The following CELF2 variants were observed in gnomAD, a reference collection of about 807,000 sequenced individuals.
The protein encoded by CELF2 is CUGBP Elav-like family member 2.
Under a neutral mutation model 62.6 loss-of-function variants are expected in CELF2, and 8 were observed. The ratio of observed to expected loss-of-function variants is 0.13; its 90% CI spans 0.07 to 0.23. CELF2 has a LOEUF of 0.23. Ranked by LOEUF, CELF2 falls within the 10% of genes least tolerant of loss-of-function variation. The probability of loss-of-function intolerance (pLI) is 1.00; values close to 1 mark genes in which losing one functional copy is unlikely to be tolerated. For missense variants in CELF2, 333 were observed against 671.0 expected (o/e 0.50, Z 5.56); for synonymous variants, 258 against 250.0 (o/e 1.03, Z -0.30).
intron 5 of CELF2, among the ~76,000 whole-genome samples, chr10:11,258,938 C>A (rs1416235430): frequency 6.6e-6 from 1 of 152,264 alleles, no homozygotes; most frequent in Non-Finnish European, 1.5e-5. Flanking sequence ...CCCGCCTCAG[C>A]CTCCCAAAGT....
At position 11,327,200 on chromosome 10, in the gene CELF2, C is replaced by CG. The variant is rs969289749; in HGVS notation, c.1438+1228dup. Among the ~76,000 whole-genome samples, 30 of 28,838 alleles carry CG rather than the reference C, an allele frequency of 1.0e-3. No homozygotes were observed. The South Asian group carries it at 0.011, about 11-fold the overall frequency. 18.9% of individuals were successfully genotyped at this position (28,838 alleles called of 152,430 possible). On this transcript the variant is annotated intron_variant, in intron 12 of 12. Transcript: ENST00000633077. Reference sequence around the variant, plus strand: ...ATGCAAATTAAATCATTATGGGGGGCGGGGGGGTGTGTCTGAGCAGGAGCC... The same window carrying CG: ...ATGCAAATTAAATCATTATGGGGGGCGGGGGGGGTGTGTCTGAGCAGGAGCC...
At chr10:11,234,758 C>A (rs2136556445) in intron 3 of CELF2, among the ~76,000 whole-genome samples, 1 of 151,560 alleles carries the variant, frequency 6.6e-6, no homozygotes, top group South Asian at 2.1e-4. Context: ...AGATCTTGAT[C>A]CCCTCATCCC....
intron 2 of CELF2, among the ~76,000 whole-genome samples, chr10:11,215,934 TA>T (rs1371610679): frequency 6.6e-6 from 1 of 152,208 alleles, no homozygotes; most frequent in African/African-American, 2.4e-5. Context: ...ATCGGTTCAG[TA>T]AAAAATCTAC....
At chr10:10,799,023 C>G (rs1442469528) in intron 1 of CELF2, among the ~76,000 whole-genome samples, 1 of 152,066 alleles carries the variant, frequency 6.6e-6, no homozygotes, top group East Asian at 1.9e-4. Context: ...CAATTTCACC[C>G]CAGGGGGGAG....
At chr10:10,489,768 C>T in the CELF2 span, among the ~76,000 whole-genome samples, 15 of 149,708 alleles carry the variant, frequency 1.0e-4, no homozygotes, top group South Asian at 2.2e-4. Context: ...CAAAACGTGA[C>T]GAAAATCAGC....
At chr10:10,981,937 C>T (rs899708496) in intron 2 of CELF2, among the ~76,000 whole-genome samples, 3 of 150,616 alleles carry the variant, frequency 2.0e-5, no homozygotes, top group East Asian at 1.9e-4. Flanking sequence ...ACCCTCTCCT[C>T]GACTTCCTTT....
At chr10:10,696,652 G>A in the CELF2 span, among the ~76,000 whole-genome samples, 1 of 151,972 alleles carries the variant, frequency 6.6e-6, no homozygotes, top group Non-Finnish European at 1.5e-5. Context: ...AGCAACCAGT[G>A]AGATTCCGTG....
At chr10:11,024,922 A>G (rs2058896870) in intron 1 of CELF2, among the ~76,000 whole-genome samples, 1 of 152,206 alleles carries the variant, frequency 6.6e-6, no homozygotes, top group African/African-American at 2.4e-5. Flanking sequence ...ACTTTGATTT[A>G]CATACTAAGT....
rs1434847581 is a variant in CELF2, at chr10:11,008,123, G to A, written c.53+2683G>A. 6.6e-6 allele frequency among the ~76,000 whole-genome samples: 1 copy of A among 152,186 alleles called. No individual in the cohort carries two copies. The highest frequency in any genetic ancestry group is 1.5e-5 in the Non-Finnish European group (1 of 68,042). On this transcript the variant is annotated intron_variant, in intron 1 of 12. Transcript: ENST00000416382. The surrounding 1 kb of genome is among the most constrained non-coding windows in gnomAD (Gnocchi z 4.5). ...TATTTCCACAACAGGAACAGGATAC[G>A]TAATCTGTATCCTTCCATAAGCCTC... is the stretch of plus-strand genomic sequence containing the variant.
At chr10:10,907,955 C>G (rs1335141188) in intron 1 of CELF2, among the ~76,000 whole-genome samples, 1 of 152,164 alleles carries the variant, frequency 6.6e-6, no homozygotes, top group Non-Finnish European at 1.5e-5. Context: ...GCAGAAAGCT[C>G]TCGGAGTAGT....
At chr10:10,515,602 T>C in the CELF2 span, among the ~76,000 whole-genome samples, 1 of 152,198 alleles carries the variant, frequency 6.6e-6, no homozygotes, top group African/African-American at 2.4e-5. Context: ...TGATACTCTG[T>C]TATTATCCCC....
At chr10:10,889,955 A>G (rs2062016119) in intron 1 of CELF2, among the ~76,000 whole-genome samples, 2 of 152,218 alleles carry the variant, frequency 1.3e-5, no homozygotes, top group Admixed American at 1.3e-4. Flanking sequence ...GGAGAGTCCT[A>G]TACTGATGTG....
At position 11,229,156 on chromosome 10, in the gene CELF2, C is replaced by T. The variant is rs375478416; in HGVS notation, c.354+11649C>T. On this transcript the variant is annotated intron_variant, in intron 3 of 12. Coordinates refer to ENST00000633077, the MANE Select transcript of CELF2 (RefSeq NM_001326342.2). ...GAGTACAGATCACATCTCCTAACTC[C>T]GAGCCTGTTGCTCTTTTCAGCAAAC... Among the ~76,000 whole-genome samples the T allele has an allele frequency of 3.8e-4, 58 of 152,288 alleles. No homozygotes were observed. In the South Asian group the frequency reaches 0.011, roughly 28 times the overall value.
At chr10:10,795,547 T>G (rs2054093954), upstream of CELF2, among the ~76,000 whole-genome samples, 1 of 152,166 alleles carries the variant, frequency 6.6e-6, no homozygotes. Flanking sequence ...TTGTTTGTGT[T>G]TAGGAAGCAC....
At chr10:10,668,492 G>A in the CELF2 span, among the ~76,000 whole-genome samples, 21 of 152,112 alleles carry the variant, frequency 1.4e-4, no homozygotes, top group Middle Eastern at 3.2e-3. Flanking sequence ...ATGGATTCAC[G>A]GTACGCAGTT....
the CELF2 span, among the ~76,000 whole-genome samples, chr10:10,672,770 C>G: frequency 1.3e-5 from 2 of 152,090 alleles, no homozygotes; most frequent in African/African-American, 2.4e-5. Context: ...AATGTGTTGG[C>G]AATTCTGGGC....
rs139230379 is a variant in CELF2, at chr10:11,219,645, T to C, written c.354+2138T>C. On this transcript the variant is annotated intron_variant, in intron 3 of 12. Coordinates refer to ENST00000633077, the MANE Select transcript of CELF2 (RefSeq NM_001326342.2). The stretch of plus-strand genomic sequence containing the variant: ...GTAAATGAGGAGAGAGTTTCACATC[T>C]TGCATTTATGTACAGCTTCGTCCAG... Among the ~76,000 whole-genome samples the C allele has an allele frequency of 4.4e-3, 677 of 152,358 alleles. 1 individual carries two copies. Among genetic ancestry groups the C allele is most frequent in the Middle Eastern group, 0.014 (4 of 294 alleles).
At chr10:11,205,514 C>T (rs1426449617) in intron 2 of CELF2, among the ~76,000 whole-genome samples, 1 of 152,182 alleles carries the variant, frequency 6.6e-6, no homozygotes, top group African/African-American at 2.4e-5. Flanking sequence ...TAATGTGATA[C>T]ATCTATAATA....
At chr10:10,799,026 G>C (rs947486603) in intron 1 of CELF2, among the ~76,000 whole-genome samples, 1 of 152,158 alleles carries the variant, frequency 6.6e-6, no homozygotes, top group African/African-American at 2.4e-5. Context: ...TTTCACCCCA[G>C]GGGGGAGGTC....
Sources: gnomAD v4.1 joint callset for allele counts (sites outside exome capture counted in the v4.1 genomes callset) on GRCh38, gnomAD v4.1.1 for gene constraint, Gnocchi (gnomAD v3.1) non-coding constraint, MANE v1.5 for transcripts, NCBI Gene and HGNC (gene_info 2026-07-23, HGNC 2026-07-21) for gene names.